SGCZ: variants seen among roughly 807,000 people sequenced by gnomAD.
The protein encoded by SGCZ is zeta-sarcoglycan.
Under a neutral mutation model 41.3 loss-of-function variants are expected in SGCZ, and 40 were observed. The observed-to-expected ratio is 0.97, with a 90% CI of 0.75 to 1.26. SGCZ has a LOEUF of 1.26. SGCZ is among the 50% of genes most tolerant of loss of function. SGCZ has a pLI of 0.00. For synonymous variants in SGCZ, 206 were observed against 137.5 expected (o/e 1.50, Z -3.49); for missense variants, 552 against 369.8 (o/e 1.49, Z -4.04).
At chr8:14,735,339 T>C (rs558144841) in intron 1 of SGCZ, among the ~76,000 whole-genome samples, 1 of 152,274 alleles carries the variant, frequency 6.6e-6, no homozygotes, top group East Asian at 1.9e-4. Flanking sequence ...TCGATGTGGG[T>C]GGGCACCATC....
chr8:14,892,781 G>C (rs1490394493), intron 1 of SGCZ, among the ~76,000 whole-genome samples: 1 of 152,088 alleles, frequency 6.6e-6, no homozygotes, highest in Non-Finnish European at 1.5e-5. Context: ...TGTATCACTT[G>C]CTTTTGCTGG....
chr8:14,226,910 A>G (rs116625085), intron 4 of SGCZ, among the ~76,000 whole-genome samples: 4,159 of 152,166 alleles, frequency 0.027, 69 homozygotes, highest in Middle Eastern at 0.071. Flanking sequence ...ATGACTTATG[A>G]TTTCTCAAAG....
intron 5 of SGCZ, among the ~76,000 whole-genome samples, chr8:14,156,774 C>G (rs1186432052): frequency 6.6e-6 from 1 of 152,164 alleles, no homozygotes. Flanking sequence ...TACAAAGAAT[C>G]AAGTTCATCA....
At chr8:14,532,729 G>A (rs1030659652) in intron 2 of SGCZ, among the ~76,000 whole-genome samples, 9 of 120,616 alleles carry the variant, frequency 7.5e-5, no homozygotes, top group Admixed American at 1.9e-4. Context: ...GGGCGGGGGG[G>A]AGGAGGGTGT....
intron 2 of SGCZ, among the ~76,000 whole-genome samples, chr8:14,393,821 A>G (rs965882628): frequency 3.3e-5 from 5 of 152,168 alleles, no homozygotes; most frequent in Non-Finnish European, 7.3e-5. Context: ...TGTGCTCAAT[A>G]AATGCATTGA....
At chr8:14,144,460 G>A (rs1474548176) in intron 5 of SGCZ, among the ~76,000 whole-genome samples, 1 of 152,190 alleles carries the variant, frequency 6.6e-6, no homozygotes, top group Non-Finnish European at 1.5e-5. Flanking sequence ...TGGGCCCTGA[G>A]TAACCAGTAG....
At chr8:14,331,441 A>G (rs985355643) in intron 2 of SGCZ, among the ~76,000 whole-genome samples, 6 of 152,242 alleles carry the variant, frequency 3.9e-5, no homozygotes, top group Middle Eastern at 3.4e-3. Context: ...CAAACAAAAC[A>G]TAAGTTGATG....
intron 2 of SGCZ, among the ~76,000 whole-genome samples, chr8:14,341,633 G>A (rs563444571): frequency 9.1e-4 from 139 of 152,186 alleles, no homozygotes; most frequent in African/African-American, 3.3e-3. Flanking sequence ...ATCTCAACTT[G>A]AATTGTATCT....
intron 1 of SGCZ, among the ~76,000 whole-genome samples, chr8:15,147,420 A>G (rs1043827298): frequency 2.0e-5 from 3 of 152,150 alleles, no homozygotes; most frequent in Non-Finnish European, 4.4e-5. Context: ...CTGGGATTAC[A>G]GGCATGCACC....
intron 1 of SGCZ, among the ~76,000 whole-genome samples, chr8:15,175,086 C>T (rs1799957271): frequency 2.0e-5 from 3 of 152,094 alleles, no homozygotes; most frequent in African/African-American, 7.2e-5. Context: ...GCACATTCTG[C>T]ACGTGTATCC....
chr8:14,581,239 G>C (rs1585097762), intron 1 of SGCZ, among the ~76,000 whole-genome samples: 2 of 151,984 alleles, frequency 1.3e-5, no homozygotes, highest in Non-Finnish European at 2.9e-5. Context: ...CATGTGACTA[G>C]CTGGGATTAC....
At chr8:14,772,215 C>A (rs369421283) in intron 1 of SGCZ, among the ~76,000 whole-genome samples, 1 of 152,052 alleles carries the variant, frequency 6.6e-6, no homozygotes, top group East Asian at 1.9e-4. Flanking sequence ...CTAGGCCAAG[C>A]TAAAATGTTT....
chr8:14,784,998 AT>A lies in SGCZ; in HGVS notation c.40-230073del, dbSNP rs1247215266. Among the ~76,000 whole-genome samples the A allele has an allele frequency of 3.7e-4, 53 of 143,926 alleles. 1 individual carries two copies. The highest frequency in any genetic ancestry group is 7.8e-4 in the Non-Finnish European group (52 of 66,414). The allele number at this position is 143,926 out of a possible 152,430, so 94.4% of individuals were successfully genotyped here. A position where few individuals can be genotyped will look rare whatever the true frequency, so the allele number is the denominator to read the frequency against. ...TATATTTTTTATATATTATATATATATAGCTTTATTTAGAAGCAGAAAATCT... is the reference window on the plus strand; with the variant it reads ...TATATTTTTTATATATTATATATATAAGCTTTATTTAGAAGCAGAAAATCT... On this transcript the variant is annotated intron_variant, in intron 1 of 7. Transcript: ENST00000382080.
At chr8:14,465,212 C>T (rs1801015317) in intron 2 of SGCZ, among the ~76,000 whole-genome samples, 2 of 151,608 alleles carry the variant, frequency 1.3e-5, no homozygotes, top group African/African-American at 2.4e-5. Context: ...CCCCTTCAGT[C>T]CTGTCAACTT....
rs1563157627 is a variant in SGCZ, at chr8:15,159,751, CACCCCCG to C, written c.39+77827_39+77833del. Among the ~76,000 whole-genome samples, 44 of 46,760 alleles carry C rather than the reference CACCCCCG, an allele frequency of 9.4e-4. 2 individuals are homozygous for C. The highest frequency in any genetic ancestry group is 1.4e-3 in the South Asian group (1 of 698). The allele number at this position is 46,760 out of a possible 152,430, so 30.7% of individuals were successfully genotyped here. A position where few individuals can be genotyped will look rare whatever the true frequency, so the allele number is the denominator to read the frequency against. ...CCCCCGCCCCCCCCACCCTCCCCCC[CACCCCCG>C]CCACACACACACAGATGGTGTCTGA... On this transcript the variant is annotated intron_variant, in intron 1 of 7. Coordinates refer to ENST00000382080, the MANE Select transcript of SGCZ (RefSeq NM_139167.4).
intron 1 of SGCZ, among the ~76,000 whole-genome samples, chr8:14,637,469 C>G (rs1021668542): frequency 3.6e-4 from 54 of 151,794 alleles, no homozygotes; most frequent in Non-Finnish European, 8.8e-5. Flanking sequence ...ACATATCTCT[C>G]CCTCCTACCT....
intron 2 of SGCZ, among the ~76,000 whole-genome samples, chr8:14,375,438 G>A (rs1554508507): frequency 5.3e-5 from 8 of 152,056 alleles, no homozygotes; most frequent in Non-Finnish European, 1.0e-4. Flanking sequence ...TAGGAAGGTT[G>A]ACTAACTACC....
intron 1 of SGCZ, among the ~76,000 whole-genome samples, chr8:14,905,756 G>A (rs1297891450): frequency 1.3e-5 from 2 of 151,580 alleles, no homozygotes; most frequent in Non-Finnish European, 2.9e-5. Context: ...ATGGGCAGCA[G>A]CATAGACAGA....
intron 6 of SGCZ, 76 bp from the exon 7 acceptor site, chr8:14,102,575 G>T: frequency 8.2e-7 from 1 of 1,220,148 alleles, no homozygotes; most frequent in Non-Finnish European, 1.0e-6. Flanking sequence ...GAAAATTTTT[G>T]ATAAACTAGA....
Sources: gnomAD v4.1 joint callset for allele counts (sites outside exome capture counted in the v4.1 genomes callset) on GRCh38, gnomAD v4.1.1 for gene constraint, MANE v1.5 for transcripts, NCBI Gene and HGNC (gene_info 2026-07-23, HGNC 2026-07-21) for gene names.